The following SAMMSON variants were observed in gnomAD, a reference collection of about 807,000 sequenced individuals.
SAMMSON encodes the protein long intergenic non-protein coding RNA 1212.
At chr3:70,373,560 G>T (rs2106747330) in intron 9 of SAMMSON, among the ~76,000 whole-genome samples, 1 of 152,120 alleles carries the variant, frequency 6.6e-6, no homozygotes, top group South Asian at 2.1e-4. Context: ...ACTTTTTCCA[G>T]CCCCACTCTC....
chr3:70,345,324 T>C (rs1702742119), intron 7 of SAMMSON, among the ~76,000 whole-genome samples: 2 of 152,244 alleles, frequency 1.3e-5, no homozygotes, highest in South Asian at 4.1e-4. Context: ...TGTTCTTACA[T>C]ACAGTTCCTT....
At chr3:70,058,254 C>T (rs1389949340) in intron 3 of SAMMSON, among the ~76,000 whole-genome samples, 1 of 151,910 alleles carries the variant, frequency 6.6e-6, no homozygotes, top group Non-Finnish European at 1.5e-5. Flanking sequence ...GCAAAAGGAT[C>T]CTGCCATCAT....
rs376404517 is a variant in SAMMSON at position 70,164,596 on chromosome 3, C to T, written n.508-84511C>T. 3.4e-4 allele frequency among the ~76,000 whole-genome samples: 52 copies of T among 152,110 alleles called. No individual in the cohort carries two copies. The South Asian group carries it at 0.011, about 32-fold the overall frequency. Reference sequence around the variant, plus strand: ...TGTGCAACAAATAAGGCTTCCAAATCAAGGTAGTATGCATAGTGTTCTGTC... The same window carrying T: ...TGTGCAACAAATAAGGCTTCCAAATTAAGGTAGTATGCATAGTGTTCTGTC... On this transcript the variant is annotated intron_variant and non_coding_transcript_variant, in intron 4 of 9. Transcript: ENST00000642114.
At chr3:70,032,002 G>A (rs541666312) in intron 3 of SAMMSON, among the ~76,000 whole-genome samples, 22 of 152,304 alleles carry the variant, frequency 1.4e-4, no homozygotes, top group African/African-American at 5.1e-4. Flanking sequence ...ATTTTTGTGT[G>A]CAATGCACAT....
chr3:70,273,355 A>G (rs1265216742), intron 6 of SAMMSON, among the ~76,000 whole-genome samples: 1 of 152,170 alleles, frequency 6.6e-6, no homozygotes, highest in East Asian at 1.9e-4. Context: ...TTTTCTTCGT[A>G]AAAATGAGAT....
At chr3:70,308,181 G>A (rs980383920) in intron 7 of SAMMSON, among the ~76,000 whole-genome samples, 1 of 152,086 alleles carries the variant, frequency 6.6e-6, no homozygotes, top group Non-Finnish European at 1.5e-5. Context: ...CTGTCTAGTA[G>A]TTGGGACTAT....
chr3:70,394,150 A>G (rs1701072221), downstream of SAMMSON, among the ~76,000 whole-genome samples: 1 of 152,158 alleles, frequency 6.6e-6, no homozygotes, highest in Admixed American at 6.5e-5. Context: ...AGCAGCAGCC[A>G]CTGAATCAAC....
chr3:70,079,197 C>G (rs1359719363), intron 4 of SAMMSON, among the ~76,000 whole-genome samples: 1 of 152,204 alleles, frequency 6.6e-6, no homozygotes, highest in Non-Finnish European at 1.5e-5. Flanking sequence ...TCTGGTTTCT[C>G]TATGAGTCTC....
intron 3 of SAMMSON, among the ~76,000 whole-genome samples, chr3:70,033,114 T>C (rs958031989): frequency 6.6e-6 from 1 of 152,126 alleles, no homozygotes. Context: ...TGGAAGCCAA[T>C]TGACTTTAAG....
chr3:70,062,671 C>T (rs957065546), intron 3 of SAMMSON, among the ~76,000 whole-genome samples: 6 of 152,116 alleles, frequency 3.9e-5, no homozygotes, highest in African/African-American at 1.4e-4. Flanking sequence ...AATGTCTCCT[C>T]TCTGCCCATT....
At chr3:70,240,132 A>G (rs1164929282) in intron 4 of SAMMSON, among the ~76,000 whole-genome samples, 2 of 152,142 alleles carry the variant, frequency 1.3e-5, no homozygotes, top group Non-Finnish European at 2.9e-5. Flanking sequence ...CTTAATGTAA[A>G]TTTTTAAAAT....
chr3:70,181,118 G>A (rs1357270539), intron 4 of SAMMSON, among the ~76,000 whole-genome samples: 1 of 152,140 alleles, frequency 6.6e-6, no homozygotes, highest in African/African-American at 2.4e-5. Context: ...ATAAGTTTCA[G>A]TTTGCATTCT....
At chr3:70,429,878 G>A (rs1252531110) in intron 2 of SAMMSON, among the ~76,000 whole-genome samples, 1 of 152,134 alleles carries the variant, frequency 6.6e-6, no homozygotes, top group Non-Finnish European at 1.5e-5. Flanking sequence ...TGAGACCATG[G>A]GGTTTTCTAA....
intron 2 of SAMMSON, among the ~76,000 whole-genome samples, chr3:70,408,585 A>C (rs1367401140): frequency 6.6e-6 from 1 of 152,146 alleles, no homozygotes; most frequent in Non-Finnish European, 1.5e-5. Context: ...GTTCCCAACA[A>C]GTTCCTCATC....
At chr3:70,432,924 T>G (rs1420472675) in intron 2 of SAMMSON, among the ~76,000 whole-genome samples, 1 of 152,020 alleles carries the variant, frequency 6.6e-6, no homozygotes, top group Non-Finnish European at 1.5e-5. Flanking sequence ...GTATGTAGTT[T>G]TTTCAGATTG....
intron 4 of SAMMSON, among the ~76,000 whole-genome samples, chr3:70,074,673 G>A (rs749079485): frequency 4.6e-5 from 7 of 152,020 alleles, no homozygotes; most frequent in Non-Finnish European, 1.0e-4. Flanking sequence ...TGTACAAAAG[G>A]TGAAGGTGAC....
chr3:70,034,297 A>C (rs1371123007), intron 3 of SAMMSON, among the ~76,000 whole-genome samples: 3 of 152,214 alleles, frequency 2.0e-5, no homozygotes, highest in Non-Finnish European at 4.4e-5. Flanking sequence ...ATGTGTATGA[A>C]GTTTGACTGT....
intron 6 of SAMMSON, among the ~76,000 whole-genome samples, chr3:70,286,399 T>C (rs2106687504): frequency 6.6e-6 from 1 of 152,160 alleles, no homozygotes; most frequent in Admixed American, 6.5e-5. Flanking sequence ...GAGGGCTCTG[T>C]TCTGTTCCAT....
chr3:70,411,801 C>T (rs1032851901), intron 2 of SAMMSON, among the ~76,000 whole-genome samples: 1 of 152,154 alleles, frequency 6.6e-6, no homozygotes, highest in Non-Finnish European at 1.5e-5. Context: ...GTCTCCCCAG[C>T]CATGTGAAAC....
Sources: gnomAD v4.1 joint callset for allele counts (sites outside exome capture counted in the v4.1 genomes callset) on GRCh38, gnomAD v4.1.1 for gene constraint, MANE v1.5 for transcripts, NCBI Gene and HGNC (gene_info 2026-07-23, HGNC 2026-07-21) for gene names.